Variants in MDM4 observed in about 807,000 individuals in gnomAD.
The protein encoded by MDM4 is MDM4 regulator of p53.
MDM4 carries 2 observed loss-of-function variants against 60.2 expected under a neutral mutation model. The ratio of observed to expected loss-of-function variants is 0.03; its 90% CI spans 0.01 to 0.10. MDM4 has a LOEUF of 0.10. MDM4 is among the 10% of genes least tolerant of loss of function. The pLI is 1.00. For synonymous variants in MDM4, 202 were observed against 198.1 expected (o/e 1.02, Z -0.17); for missense variants, 447 against 577.5 (o/e 0.77, Z 2.32).
intron 3 of MDM4, chr1:204,528,961 C>A: frequency 6.4e-7 from 1 of 1,555,280 alleles, no homozygotes; most frequent in Non-Finnish European, 8.9e-7. Flanking sequence ...TGGGTGCACA[C>A]CTGGATGAAG....
chr1:204,555,177 C>A lies in MDM4; in HGVS notation c.*5495C>A. On this transcript the variant is annotated 3_prime_UTR_variant, in exon 11 of 11. Transcript: ENST00000367182. ...CCATTTCTTTTTTTTTTTTTTTAGA[C>A]GGAGTCTCTCTCTGTCGCCCCGGCT... is the stretch of plus-strand genomic sequence containing the variant. The A allele has an allele frequency of 5.7e-6, 1 of 176,884 alleles. No homozygotes were observed. The allele number at this position is 176,884 out of a possible 1,614,324, so 11.0% of individuals were successfully genotyped here. A position where few individuals can be genotyped will look rare whatever the true frequency, so the allele number is the denominator to read the frequency against.
At chr1:204,518,748 C>T (rs562304513) in intron 1 of MDM4, among the ~76,000 whole-genome samples, 2 of 152,346 alleles carry the variant, frequency 1.3e-5, no homozygotes, top group East Asian at 3.9e-4. Flanking sequence ...TCACTGCAAC[C>T]TCTGCCTTCT....
intron 3 of MDM4, among the ~76,000 whole-genome samples, chr1:204,528,661 G>A (rs1572469947): frequency 6.6e-6 from 1 of 152,168 alleles, no homozygotes; most frequent in Non-Finnish European, 1.5e-5. Context: ...CTCAGCCCTG[G>A]TCCTCACTAT....
At chr1:204,522,471 C>T (rs183740761) in intron 1 of MDM4, among the ~76,000 whole-genome samples, 58 of 151,164 alleles carry the variant, frequency 3.8e-4, no homozygotes, top group African/African-American at 1.4e-3. Context: ...GATCTCGGCT[C>T]ACTGCAACCT....
rs1663205953 is a variant in MDM4, at chr1:204,551,506, T to C, written c.*1824T>C. 5.1e-6 allele frequency: 1 copy of C among 197,568 alleles called. No homozygotes were observed. 12.2% of individuals were successfully genotyped at this position (197,568 alleles called of 1,614,324 possible). A position where few individuals can be genotyped will look rare whatever the true frequency, so the allele number is the denominator to read the frequency against. ...TTTTTTTTTTGGAGGATAGGGAGTA[T>C]GGCTGTTGTGAAAAGGGAGGTAAAG... On this transcript the variant is annotated 3_prime_UTR_variant, in exon 11 of 11. Coordinates refer to ENST00000367182, the MANE Select transcript of MDM4 (RefSeq NM_002393.5).
chr1:204,542,903 A>G lies in MDM4; in HGVS notation c.631A>G (p.Thr211Ala), dbSNP rs1476793528. The G allele has an allele frequency of 6.2e-7, 1 of 1,613,944 alleles. No homozygotes were observed. The highest frequency in any genetic ancestry group is 1.7e-5 in the Admixed American group (1 of 59,984). The change falls in exon 8 of 11, where the codon ACA becomes GCA. Residue 211 changes from threonine (T) to alanine (A), a missense_variant. Around this residue, in one of 8 missense-constraint regions of MDM4, gnomAD observed 184 missense variants for 179.3 expected, o/e 1.03. Coordinates refer to ENST00000367182, the MANE Select transcript of MDM4 (RefSeq NM_002393.5). ...TTTAGGAAACTTGAGAAGCAACTAT[A>G]CACCTAGAAGTAATGGCTCAACTGA... ...WFLGNLRSNY[T>A]PRSNGSTDLQ... is the part of the protein sequence containing the mutation.
Position 204,532,336 on chromosome 1 carries a change from T to C in MDM4, c.343+90T>C, listed in dbSNP as rs1660942241. 3 of 833,898 alleles carry C rather than the reference T, an allele frequency of 3.6e-6. No individual in the cohort carries two copies. The African/African-American group carries it at 5.1e-5, about 14-fold the overall frequency. 51.7% of individuals were successfully genotyped at this position (833,898 alleles called of 1,614,324 possible). On this transcript the variant is annotated intron_variant, in intron 5 of 10. Coordinates refer to ENST00000367182, the MANE Select transcript of MDM4 (RefSeq NM_002393.5). ...AAAACAAAGAAGATGAAGGTGGAAATGGAATGCTATCTTTGGCATGACTGG... is the reference window on the plus strand; with the variant it reads ...AAAACAAAGAAGATGAAGGTGGAAACGGAATGCTATCTTTGGCATGACTGG...
chr1:204,527,659 A>AG (rs2102331929), intron 3 of MDM4, among the ~76,000 whole-genome samples: 1 of 147,380 alleles, frequency 6.8e-6, no homozygotes, highest in South Asian at 2.2e-4. Flanking sequence ...AAAAAAAAAA[A>AG]GTGTCAGACA....
At chr1:204,539,787 G>T (rs569703538) in intron 7 of MDM4, among the ~76,000 whole-genome samples, 17 of 151,918 alleles carry the variant, frequency 1.1e-4, no homozygotes, top group African/African-American at 4.1e-4. Context: ...ACCCGCCTTG[G>T]CCTCCCAAAG....
rs1663600364 is a variant in MDM4 at position 204,557,397 on chromosome 1, T to C, written c.*7715T>C. The C allele has an allele frequency of 5.6e-6, 1 of 180,154 alleles. No individual in the cohort carries two copies. Among genetic ancestry groups the C allele is most frequent in the South Asian group, 2.0e-4 (1 of 5,072 alleles). The allele number at this position is 180,154 out of a possible 1,614,324, so 11.2% of individuals were successfully genotyped here. On this transcript the variant is annotated 3_prime_UTR_variant, in exon 11 of 11. Transcript: ENST00000367182. Reference sequence around the variant, plus strand: ...TAAAACCACCTTGCTGTGGTCTTGATGTACAAAAAAAAATTTTTTTTTTGA... The same window carrying C: ...TAAAACCACCTTGCTGTGGTCTTGACGTACAAAAAAAAATTTTTTTTTTGA...
At position 204,552,458 on chromosome 1, in the gene MDM4, G is replaced by T. The variant is rs1663291820; in HGVS notation, c.*2776G>T. On this transcript the variant is annotated 3_prime_UTR_variant, in exon 11 of 11. Coordinates refer to ENST00000367182, the MANE Select transcript of MDM4 (RefSeq NM_002393.5). ...CTGCCTCAGCCTCCCAGATAGCTGG[G>T]ACTACAGGCACATACCACCATGCCT... The T allele has an allele frequency of 6.6e-6, 1 of 152,372 alleles. No individual in the cohort carries two copies. Among genetic ancestry groups the T allele is most frequent in the Non-Finnish European group, 1.5e-5 (1 of 68,640 alleles). The allele number at this position is 152,372 out of a possible 1,614,324, so 9.4% of individuals were successfully genotyped here.
intron 3 of MDM4, 82 bp from the exon 4 acceptor site, chr1:204,530,602 T>G: frequency 1.1e-5 from 17 of 1,552,590 alleles, no homozygotes; most frequent in Non-Finnish European, 1.5e-5. Flanking sequence ...TTTAGCAAAC[T>G]AACTTACCTT....
intron 6 of MDM4, chr1:204,537,998 T>C (rs769701294): frequency 5.3e-6 from 4 of 758,024 alleles, no homozygotes; most frequent in Non-Finnish European, 9.9e-6. Flanking sequence ...AGAGGTTTTT[T>C]TTCCCCCCAG....
At chr1:204,528,825 C>G in intron 3 of MDM4, 1 of 1,479,760 alleles carries the variant, frequency 6.8e-7, no homozygotes. Flanking sequence ...GTGCACTCCA[C>G]TCTCCACAGA....
rs1486690065 is a variant in MDM4, at chr1:204,557,665, G to A, written c.*7983G>A. On this transcript the variant is annotated 3_prime_UTR_variant, in exon 11 of 11. Coordinates refer to ENST00000367182, the MANE Select transcript of MDM4 (RefSeq NM_002393.5). ...GATCTGCCCGCCTTGGCCTCCCAAA[G>A]TACTGGGATTACAGGCGTGAGCAAC... 5.6e-6 allele frequency: 1 copy of A among 178,434 alleles called. No homozygotes were observed. The highest frequency in any genetic ancestry group is 2.4e-5 in the African/African-American group (1 of 42,290). 11.1% of individuals were successfully genotyped at this position (178,434 alleles called of 1,614,324 possible). A position where few individuals can be genotyped will look rare whatever the true frequency, so the allele number is the denominator to read the frequency against.
chr1:204,554,291 C>CT lies in MDM4; in HGVS notation c.*4612dup, dbSNP rs1663411282. 4.4e-6 allele frequency: 1 copy of CT among 225,276 alleles called. No homozygotes were observed. The highest frequency in any genetic ancestry group is 2.2e-5 in the African/African-American group (1 of 44,920). The allele number at this position is 225,276 out of a possible 1,614,324, so 14.0% of individuals were successfully genotyped here. On this transcript the variant is annotated 3_prime_UTR_variant, in exon 11 of 11. Coordinates refer to ENST00000367182, the MANE Select transcript of MDM4 (RefSeq NM_002393.5). ...AATTATGTGAATTTCTGATATATGGCTTTAGATACTGTGAATCTGTTTTCC... is the reference window on the plus strand; with the variant it reads ...AATTATGTGAATTTCTGATATATGGCTTTTAGATACTGTGAATCTGTTTTCC...
At chr1:204,521,501 A>G (rs781576636) in intron 1 of MDM4, among the ~76,000 whole-genome samples, 5 of 151,900 alleles carry the variant, frequency 3.3e-5, no homozygotes, top group Admixed American at 1.3e-4. Context: ...TTTGGAGGGT[A>G]TGGCTAAGAG....
chr1:204,540,390 TCA>T (rs1170486342), intron 7 of MDM4, among the ~76,000 whole-genome samples: 1 of 152,198 alleles, frequency 6.6e-6, no homozygotes, highest in Non-Finnish European at 1.5e-5. Flanking sequence ...TGGATGGTAG[TCA>T]CCAGATCTTT....
chr1:204,528,596 C>T (rs573501044), intron 3 of MDM4, among the ~76,000 whole-genome samples: 5 of 152,292 alleles, frequency 3.3e-5, no homozygotes, highest in African/African-American at 1.2e-4. Context: ...CTGCTCATGG[C>T]CGTCGGGACA....
Sources: allele counts gnomAD v4.1 joint callset (sites outside exome capture counted in the v4.1 genomes callset), GRCh38; gene constraint gnomAD v4.1.1; regional missense constraint gnomAD v4.1.1; transcripts MANE v1.5; gene names NCBI Gene and HGNC (gene_info 2026-07-23, HGNC 2026-07-21).